Variants in GNS observed in about 807,000 individuals in gnomAD.
GNS encodes the protein glucosamine (N-acetyl)-6-sulfatase, also known as N-acetylglucosamine-6-sulfatase.
Under a neutral mutation model 69.7 loss-of-function variants are expected in GNS, and 40 were observed. The observed-to-expected ratio is 0.57, with a 90% confidence interval of 0.45 to 0.75. GNS has a LOEUF of 0.75. GNS is among the 30% of genes least tolerant of loss of function. The probability of loss-of-function intolerance (pLI) is 0.00; values close to 1 mark genes in which losing one functional copy is unlikely to be tolerated. For missense variants in GNS, 565 were observed against 685.5 expected, an observed-to-expected ratio of 0.82 and a Z score of 1.96; for synonymous variants, 243 against 251.6, an observed-to-expected ratio of 0.97 and a Z score of 0.32.
At chr12:64,739,564 C>CAAAAAAAAAAAA in intron 7 of GNS, 65 bp from the exon 8 acceptor site, 1 of 296,704 alleles carries the variant, frequency 3.4e-6, no homozygotes. Flanking sequence ...ACTATCTTGC[C>CAAAAAAAAAAAA]AAAAAAAAAA....
At chr12:64,745,985 A>T (rs762137673) in intron 3 of GNS, 85 of 524,234 alleles carry the variant, frequency 1.6e-4, no homozygotes, top group Admixed American at 2.7e-4. Context: ...ACAATTTTAA[A>T]ATATAAAAGT....
intron 9 of GNS, among the ~76,000 whole-genome samples, chr12:64,734,949 C>T (rs933951923): frequency 4.6e-5 from 7 of 151,022 alleles, no homozygotes; most frequent in African/African-American, 1.7e-4. Flanking sequence ...AAAACAAAAA[C>T]AAAAACAAAA....
chr12:64,732,166 GTTGTT>G (rs1332101368), intron 9 of GNS, among the ~76,000 whole-genome samples: 3 of 98,592 alleles, frequency 3.0e-5, no homozygotes, highest in Non-Finnish European at 5.7e-5. Context: ...TTTTTTTTTT[GTTGTT>G]TTTTTTTTTT....
At chr12:64,742,223 T>G (rs541235909) in intron 6 of GNS, among the ~76,000 whole-genome samples, 2 of 152,166 alleles carry the variant, frequency 1.3e-5, no homozygotes, top group Admixed American at 6.5e-5. Context: ...GGTTTCACTG[T>G]GTTAGCCAGG....
intron 9 of GNS, among the ~76,000 whole-genome samples, chr12:64,730,201 C>T (rs1354382587): frequency 6.6e-6 from 1 of 152,076 alleles, no homozygotes; most frequent in Non-Finnish European, 1.5e-5. Flanking sequence ...CATCACAGTC[C>T]TTGGACACAG....
chr12:64,751,518 T>C (rs182780249), intron 2 of GNS, among the ~76,000 whole-genome samples: 6 of 152,186 alleles, frequency 3.9e-5, no homozygotes, highest in African/African-American at 1.4e-4. Context: ...GTATTTGAAA[T>C]AGGCATCATA....
In GNS at chr12:64,759,256, G is replaced by T; in HGVS notation, c.21C>A (p.Ala7=). The T allele has an allele frequency of 6.5e-7, 1 of 1,536,862 alleles. No individual in the cohort carries two copies. Among genetic ancestry groups the T allele is most frequent in the South Asian group, 1.2e-5 (1 of 82,820 alleles). The change falls in exon 1 of 14, where the codon GCC becomes GCA. Residue 7 remains alanine (A), a synonymous_variant. Transcript: ENST00000258145. Reference sequence around the variant, plus strand: ...GGCTGCCCCGCCGGAGCCGACCTGGGGCTAGAGGCAGGAGCCGCATAGCGG... The same window carrying T: ...GGCTGCCCCGCCGGAGCCGACCTGGTGCTAGAGGCAGGAGCCGCATAGCGG... The part of the protein sequence containing the change: MRLLPL[A]PGRLRRGSPR...
At chr12:64,722,946 C>CA in intron 11 of GNS, 60 bp downstream of exon 11, 1 of 988,060 alleles carries the variant, frequency 1.0e-6, no homozygotes. Context: ...ACATGGCAAC[C>CA]AGCACCTTGC....
Position 64,759,273 on chromosome 12 carries a change from G to C in GNS, c.4C>G (p.Arg2Gly), listed in dbSNP as rs200441930. MRLLPLAPGRLR... is the reference protein window; with the variant it reads MGLLPLAPGRLR... ...CGACCTGGGGCTAGAGGCAGGAGCC[G>C]CATAGCGGACAGGCTCCGGGGTGAC... Residue 2 changes from arginine to glycine, a missense_variant, in exon 1 of 14, where the codon CGG becomes GGG. Physicochemically the swap from Arg to Gly is moderately radical, Grantham distance 125. Around this residue, in one of 2 missense-constraint regions of GNS, gnomAD observed 181 missense variants for 174.4 expected, o/e 1.04. Transcript: ENST00000258145. The C allele has an allele frequency of 8.6e-6, 13 of 1,517,948 alleles. No homozygotes were observed. The highest frequency in any genetic ancestry group is 1.1e-5 in the Non-Finnish European group (13 of 1,132,248). The allele number at this position is 1,517,948 out of a possible 1,614,324, so 94.0% of individuals were successfully genotyped here. A position where few individuals can be genotyped will look rare whatever the true frequency, so the allele number is the denominator to read the frequency against.
At chr12:64,759,018 A>G (rs1870375510) in intron 1 of GNS, 67 bp downstream of exon 1, 2 of 1,328,500 alleles carry the variant, frequency 1.5e-6, no homozygotes, top group Middle Eastern at 2.5e-4. Context: ...GGGGACCGGG[A>G]AAGAGAGCAA....
intron 6 of GNS, among the ~76,000 whole-genome samples, chr12:64,742,257 T>C (rs1045965417): frequency 6.6e-6 from 1 of 152,214 alleles, no homozygotes; most frequent in East Asian, 1.9e-4. Flanking sequence ...CCTGACCTCG[T>C]GATTCGCCCG....
At chr12:64,742,443 G>A (rs1869775934) in intron 6 of GNS, among the ~76,000 whole-genome samples, 1 of 152,230 alleles carries the variant, frequency 6.6e-6, no homozygotes, top group South Asian at 2.1e-4. Context: ...GTAGTTCCAT[G>A]AGGGATCAAG....
chr12:64,757,874 T>C (rs1377321323), intron 1 of GNS, among the ~76,000 whole-genome samples: 1 of 152,194 alleles, frequency 6.6e-6, no homozygotes, highest in Non-Finnish European at 1.5e-5. Context: ...ACAAGAAAAG[T>C]TAGGAACGTC....
rs938048454 is a variant in GNS at position 64,715,652 on chromosome 12, G to A, written c.*1089C>T. The A allele has an allele frequency of 1.3e-5, 2 of 154,344 alleles. No individual in the cohort carries two copies. Among genetic ancestry groups the A allele is most frequent in the Non-Finnish European group, 2.9e-5 (2 of 68,212 alleles). 9.6% of individuals were successfully genotyped at this position (154,344 alleles called of 1,614,324 possible). On this transcript the variant is annotated 3_prime_UTR_variant, in exon 14 of 14. Coordinates refer to ENST00000258145, the MANE Select transcript of GNS (RefSeq NM_002076.4). Reference sequence around the variant, plus strand: ...AAGAACCCATCTAAAAGGGGAGAAGGTAGGGTAAAGTAGTTGATACTTTGC... The same window carrying A: ...AAGAACCCATCTAAAAGGGGAGAAGATAGGGTAAAGTAGTTGATACTTTGC...
chr12:64,727,397 A>G (rs1228245918), intron 10 of GNS, among the ~76,000 whole-genome samples: 2 of 151,798 alleles, frequency 1.3e-5, no homozygotes, highest in African/African-American at 2.4e-5. Context: ...GATTGGCAAC[A>G]CTGCACTCCA....
intron 7 of GNS, 104 bp downstream of exon 7, chr12:64,740,502 C>CT: frequency 1.3e-6 from 1 of 769,138 alleles, no homozygotes; most frequent in Non-Finnish European, 2.4e-6. Flanking sequence ...TTGCTTCCCT[C>CT]TGTTTTTGTT....
In GNS at chr12:64,739,608, T is replaced by TA. The variant is rs370224255; in HGVS notation, c.876-110dup. The TA allele has an allele frequency of 4.9e-3, 2,349 of 480,604 alleles. 1 individual carries two copies. The highest frequency in any genetic ancestry group is 6.2e-3 in the East Asian group (160 of 25,958). 29.8% of individuals were successfully genotyped at this position (480,604 alleles called of 1,614,324 possible). A position where few individuals can be genotyped will look rare whatever the true frequency, so the allele number is the denominator to read the frequency against. Reference sequence around the variant, plus strand: ...AAACAAAAACAAAGACACCCCCGTTTAAAAAAAAAAATCCAAAACAACCCC... The same window carrying TA: ...AAACAAAAACAAAGACACCCCCGTTTAAAAAAAAAAAATCCAAAACAACCCC... On this transcript the variant is annotated intron_variant, in intron 7 of 13. Coordinates refer to ENST00000258145, the MANE Select transcript of GNS (RefSeq NM_002076.4).
chr12:64,756,898 T>C (rs186880609), intron 1 of GNS: 198 of 582,762 alleles, frequency 3.4e-4, no homozygotes, highest in Non-Finnish European at 4.5e-4. Context: ...CTCATGCCTG[T>C]AATCCCAGCA....
rs1868790704 is a variant in GNS, at chr12:64,714,121, C to T, written c.*2620G>A. The T allele has an allele frequency of 6.6e-6, 1 of 151,290 alleles. No homozygotes were observed. The highest frequency in any genetic ancestry group is 1.5e-5 in the Non-Finnish European group (1 of 68,014). 9.4% of individuals were successfully genotyped at this position (151,290 alleles called of 1,614,324 possible). A position where few individuals can be genotyped will look rare whatever the true frequency, so the allele number is the denominator to read the frequency against. ...TCCAGCCCGGGTGACAACCGCGAGACTTCATCTCAAAAAAAAAGTGTTTGC... is the reference window on the plus strand; with the variant it reads ...TCCAGCCCGGGTGACAACCGCGAGATTTCATCTCAAAAAAAAAGTGTTTGC... On this transcript the variant is annotated 3_prime_UTR_variant, in exon 14 of 14. Coordinates refer to ENST00000258145, the MANE Select transcript of GNS (RefSeq NM_002076.4).
Sources: gnomAD v4.1 joint callset for allele counts (sites outside exome capture counted in the v4.1 genomes callset) on GRCh38, gnomAD v4.1.1 for gene constraint, gnomAD v4.1.1 regional missense constraint, MANE v1.5 for transcripts, NCBI Gene and HGNC (gene_info 2026-07-23, HGNC 2026-07-21) for gene names.